The following ZNF655 variants were observed in gnomAD, a reference collection of about 807,000 sequenced individuals.
ZNF655 encodes Vav-interacting Kruppel-like protein 1.
ZNF655 carries 3 observed loss-of-function variants against 6.6 expected under a neutral mutation model. The observed-to-expected ratio is 0.46, with a 90% CI of 0.21 to 1.18. The LOEUF is 1.18. Among genes scored for constraint, ZNF655 ranks in the 50% most tolerant of loss-of-function variants. ZNF655 has a pLI of 0.24. For synonymous variants in ZNF655, 178 were observed against 195.0 expected (o/e 0.91, Z 0.73); for missense variants, 526 against 572.3 (o/e 0.92, Z 0.83).
intron 2 of ZNF655, among the ~76,000 whole-genome samples, chr7:99,568,942 G>A (rs1031471894): frequency 6.6e-6 from 1 of 152,048 alleles, no homozygotes; most frequent in Non-Finnish European, 1.5e-5. Flanking sequence ...GTGCCACCAT[G>A]CCTGGCTAAT....
intron 2 of ZNF655, chr7:99,571,425 C>T (rs1442118805): frequency 6.5e-6 from 8 of 1,234,432 alleles, no homozygotes; most frequent in East Asian, 4.8e-5. Flanking sequence ...AAGACAAACC[C>T]ATGCACACAT....
At position 99,572,719 on chromosome 7, in the gene ZNF655, G is replaced by A. The variant is rs1236661381; in HGVS notation, c.611G>A (p.Ser204Asn). 5 of 1,613,086 alleles carry A rather than the reference G, an allele frequency of 3.1e-6. No individual in the cohort carries two copies. Among genetic ancestry groups the A allele is most frequent in the East Asian group, 4.5e-5 (2 of 44,874 alleles). ...CTCTCCCACCTTAATAAATGGGAGA[G>A]CATCCCTAACACTGAGAAATCCTAT... ...MDLSHLNKWE[S>N]IPNTEKSYKC... The change falls in exon 3 of 3, where the codon AGC (serine) becomes AAC (asparagine). Residue 204 changes from serine to asparagine, a missense_variant. Coordinates refer to ENST00000252713, the MANE Select transcript of ZNF655 (RefSeq NM_138494.3).
At chr7:99,561,081 A>C (rs143721045) in intron 2 of ZNF655, 32 of 158,916 alleles carry the variant, frequency 2.0e-4, no homozygotes, top group Non-Finnish European at 4.1e-4. Flanking sequence ...CCCTTCACTT[A>C]GTTTTTCTTT....
intron 2 of ZNF655, chr7:99,570,182 A>G (rs1016889632): frequency 4.6e-5 from 7 of 152,234 alleles, no homozygotes; most frequent in African/African-American, 1.7e-4. Flanking sequence ...GTTACCAAAT[A>G]TCGACAGACA....
intron 2 of ZNF655, among the ~76,000 whole-genome samples, chr7:99,565,358 A>T (rs1343926447): frequency 6.6e-6 from 1 of 151,918 alleles, no homozygotes; most frequent in Non-Finnish European, 1.5e-5. Flanking sequence ...TTTAGTAGAG[A>T]TGGGGTTTTG....
At chr7:99,559,109 C>T (rs970291353) in intron 1 of ZNF655, 4 of 152,540 alleles carry the variant, frequency 2.6e-5, no homozygotes, top group Non-Finnish European at 4.4e-5. Flanking sequence ...CTTCTGAGGA[C>T]CGAGCTGGGA....
At chr7:99,559,776 G>A (rs1311490141) in intron 1 of ZNF655, among the ~76,000 whole-genome samples, 1 of 150,984 alleles carries the variant, frequency 6.6e-6, no homozygotes, top group Non-Finnish European at 1.5e-5. Context: ...TACAGGCCTG[G>A]GCCACCTAAT....
chr7:99,565,327 C>T (rs1389998605), intron 2 of ZNF655, among the ~76,000 whole-genome samples: 1 of 152,118 alleles, frequency 6.6e-6, no homozygotes, highest in Non-Finnish European at 1.5e-5. Context: ...CGCCACCATG[C>T]CTGGCTAATC....
intron 2 of ZNF655, chr7:99,562,236 C>T (rs552790354): frequency 3.6e-5 from 41 of 1,153,536 alleles, no homozygotes; most frequent in Middle Eastern, 2.8e-4. Flanking sequence ...GGCTTTATTC[C>T]GTAGGTTCTA....
chr7:99,568,736 G>A (rs955978238), intron 2 of ZNF655, among the ~76,000 whole-genome samples: 3 of 152,094 alleles, frequency 2.0e-5, no homozygotes, highest in Non-Finnish European at 2.9e-5. Flanking sequence ...GGGATTACAC[G>A]TGTGAGCCAC....
In ZNF655 at chr7:99,571,739, A is replaced by T. The variant is rs751941505; in HGVS notation, c.137-506A>T. On this transcript the variant is annotated intron_variant, in intron 2 of 2. Transcript: ENST00000252713. ...ATCTCCCAGCTGGAACAGGATCTAC[A>T]GGTCTTTGATCTGGAAACTAAGACT... The T allele has an allele frequency of 2.5e-6, 4 of 1,610,532 alleles. No homozygotes were observed. The South Asian group carries it at 4.4e-5, about 18-fold the overall frequency.
chr7:99,573,658 A>T lies in ZNF655; in HGVS notation c.*74A>T, dbSNP rs1804244970. On this transcript the variant is annotated 3_prime_UTR_variant, in exon 3 of 3. Coordinates refer to ENST00000252713, the MANE Select transcript of ZNF655 (RefSeq NM_138494.3). The stretch of plus-strand genomic sequence containing the variant: ...ATCTGAGAGTTCACACCAGGGAGAA[A>T]TCATGTATGTACTGCATGTGGTAAA... 6.6e-7 allele frequency: 1 copy of T among 1,517,162 alleles called. No homozygotes were observed. The highest frequency in any genetic ancestry group is 1.4e-5 in the African/African-American group (1 of 72,774). The allele number at this position is 1,517,162 out of a possible 1,614,324, so 94.0% of individuals were successfully genotyped here.
intron 2 of ZNF655, chr7:99,562,097 A>G: frequency 1.1e-6 from 1 of 894,428 alleles, no homozygotes; most frequent in Non-Finnish European, 1.6e-6. Flanking sequence ...CAGTTTGGGA[A>G]TTGATCCTCT....
chr7:99,568,624 T>C lies in ZNF655; in HGVS notation c.137-3621T>C, dbSNP rs145765253. Among the ~76,000 whole-genome samples the C allele has an allele frequency of 2.4e-4, 37 of 152,200 alleles. 3 individuals are homozygous for C. The East Asian group carries it at 7.2e-3, about 29-fold the overall frequency. On this transcript the variant is annotated intron_variant, in intron 2 of 2. Coordinates refer to ENST00000252713, the MANE Select transcript of ZNF655 (RefSeq NM_138494.3). ...CATCTTTTAGATCCCTTTTAATTTT[T>C]AATTTTAATTTTTTGTAGAGATGGA...
chr7:99,571,907 G>T lies in ZNF655; in HGVS notation c.137-338G>T, dbSNP rs1332847554. Reference sequence around the variant, plus strand: ...AGCTCTGTGTGTGTCCTAGCATGGAGAGTTCCTTCCTTTTCCCTTCAGTTA... The same window carrying T: ...AGCTCTGTGTGTGTCCTAGCATGGATAGTTCCTTCCTTTTCCCTTCAGTTA... On this transcript the variant is annotated intron_variant, in intron 2 of 2. Transcript: ENST00000252713. The T allele has an allele frequency of 5.9e-6, 4 of 683,634 alleles. No individual in the cohort carries two copies. The African/African-American group carries it at 7.2e-5, about 12-fold the overall frequency. The allele number at this position is 683,634 out of a possible 1,614,324, so 42.3% of individuals were successfully genotyped here.
chr7:99,559,278 C>T (rs1391735579), intron 1 of ZNF655, among the ~76,000 whole-genome samples: 1 of 152,198 alleles, frequency 6.6e-6, no homozygotes, highest in Non-Finnish European at 1.5e-5. Context: ...TCTGAGTTAG[C>T]GAAGGGCCTG....
chr7:99,559,546 TTAAAA>T (rs779889560), intron 1 of ZNF655, among the ~76,000 whole-genome samples: 4 of 152,062 alleles, frequency 2.6e-5, no homozygotes, highest in Non-Finnish European at 5.9e-5. Context: ...TAAAACAAAA[TTAAAA>T]TAAAATGAGC....
chr7:99,567,587 T>A (rs1803727434), intron 2 of ZNF655, among the ~76,000 whole-genome samples: 1 of 151,998 alleles, frequency 6.6e-6, no homozygotes, highest in Admixed American at 6.6e-5. Flanking sequence ...ACTAATGCTT[T>A]CTTTGATAGG....
chr7:99,573,326 A>G lies in ZNF655; in HGVS notation c.1218A>G (p.Lys406=), dbSNP rs781031398. ...IQHQRIHTGE[K]AHECNECGKA... ...ATCAAAGAATTCACACAGGAGAGAA[A>G]GCACATGAATGTAATGAATGTGGAA... Residue 406 remains lysine (K), a synonymous_variant, in exon 3 of 3, where the codon AAA becomes AAG. Transcript: ENST00000252713. The G allele has an allele frequency of 1.9e-6, 3 of 1,614,104 alleles. No homozygotes were observed. Among genetic ancestry groups the G allele is most frequent in the East Asian group, 2.2e-5 (1 of 44,892 alleles).
Sources: gnomAD v4.1 joint callset for allele counts (sites outside exome capture counted in the v4.1 genomes callset) on GRCh38, gnomAD v4.1.1 for gene constraint, MANE v1.5 for transcripts, NCBI Gene and HGNC (gene_info 2026-07-23, HGNC 2026-07-21) for gene names.